Variants in PRKDC observed in about 807,000 individuals in gnomAD.
PRKDC encodes protein kinase, DNA-activated, catalytic subunit.
Under a neutral mutation model 486.9 loss-of-function variants are expected in PRKDC, and 82 were observed. The ratio of observed to expected loss-of-function variants is 0.17; its 90% CI spans 0.14 to 0.20. PRKDC has a LOEUF of 0.20. PRKDC is among the 10% of genes least tolerant of loss of function. PRKDC has a pLI of 1.00. For synonymous variants in PRKDC, 1,895 were observed against 1,837.0 expected, an observed-to-expected ratio of 1.03 and a Z score of -0.81; for missense variants, 4,504 against 5,038.2, an observed-to-expected ratio of 0.89 and a Z score of 3.21.
At chr8:47,843,688 CA>C (rs2154500004) in intron 54 of PRKDC, among the ~76,000 whole-genome samples, 1 of 152,288 alleles carries the variant, frequency 6.6e-6, no homozygotes, top group Non-Finnish European at 1.5e-5. Flanking sequence ...ATCAGGCTAC[CA>C]GCGGGCCTCT....
intron 68 of PRKDC, among the ~76,000 whole-genome samples, chr8:47,809,196 ATC>A (rs1237582099): frequency 6.6e-6 from 1 of 151,776 alleles, no homozygotes; most frequent in Admixed American, 6.6e-5. Flanking sequence ...CATGCTTCAC[ATC>A]TCTTTTTCCT....
At chr8:47,816,946 T>C (rs527465210) in intron 68 of PRKDC, among the ~76,000 whole-genome samples, 98 of 152,280 alleles carry the variant, frequency 6.4e-4, no homozygotes, top group Middle Eastern at 6.8e-3. Flanking sequence ...TATTACATGG[T>C]TAGTACCTGC....
chr8:47,953,993 A>T (rs2090664864), intron 5 of PRKDC, 74 bp from the exon 6 acceptor site: 4 of 789,978 alleles, frequency 5.1e-6, no homozygotes, highest in Non-Finnish European at 7.8e-6. Context: ...AAATGTATGA[A>T]GAAAATAAAA....
intron 22 of PRKDC, 87 bp from the exon 23 acceptor site, chr8:47,915,505 C>T: frequency 2.6e-6 from 2 of 763,038 alleles, no homozygotes; most frequent in Non-Finnish European, 4.1e-6. Flanking sequence ...TTGCCACCCA[C>T]TTGGATGTCC....
At chr8:47,915,208 T>G (rs1476665525) in intron 23 of PRKDC, 120 bp downstream of exon 23, 1 of 578,236 alleles carries the variant, frequency 1.7e-6, no homozygotes, top group Non-Finnish European at 2.9e-6. Flanking sequence ...TTTATAATCT[T>G]ATTTAGAAAT....
At chr8:47,842,427 AGAGAGATCCTATACAG>A (rs1170216262) in intron 54 of PRKDC, among the ~76,000 whole-genome samples, 5 of 152,282 alleles carry the variant, frequency 3.3e-5, no homozygotes, top group African/African-American at 7.2e-5. Context: ...GCAGGAACCT[AGAGAGATCCTATACAG>A]GAGAGATCCT....
chr8:47,794,596 T>A (rs1053941838), intron 73 of PRKDC, 95 bp from the exon 74 acceptor site: 1 of 1,122,520 alleles, frequency 8.9e-7, no homozygotes, highest in Non-Finnish European at 1.2e-6. Flanking sequence ...AACTCAGAAG[T>A]ATAAAAACGC....
chr8:47,815,558 C>T (rs2087425724), intron 68 of PRKDC, among the ~76,000 whole-genome samples: 1 of 152,088 alleles, frequency 6.6e-6, no homozygotes, highest in Non-Finnish European at 1.5e-5. Flanking sequence ...GATAATTGAA[C>T]ACAAAATAAA....
At position 47,874,282 on chromosome 8, in the gene PRKDC, A is replaced by G. The variant is rs117902660; in HGVS notation, c.5363+3442T>C. On this transcript the variant is annotated intron_variant, in intron 40 of 85. Transcript: ENST00000314191. ...ACATTTTTAAATAATTAAGAGTATA[A>G]CTGGATTATTTCTCATGCAAAGAAG... Among the ~76,000 whole-genome samples the G allele has an allele frequency of 7.2e-5, 11 of 152,206 alleles. No individual in the cohort carries two copies. The East Asian group carries it at 2.1e-3, about 29-fold the overall frequency.
chr8:47,914,011 G>C lies in PRKDC; in HGVS notation c.2671C>G (p.Arg891Gly). The C allele has an allele frequency of 3.1e-6, 5 of 1,599,128 alleles. No individual in the cohort carries two copies. Among genetic ancestry groups the C allele is most frequent in the Admixed American group, 1.7e-5 (1 of 58,272 alleles). The change falls in exon 24 of 86, where the codon CGG (arginine) becomes GGG (glycine). Residue 891 changes from arginine (R) to glycine (G), a missense_variant. Coordinates refer to ENST00000314191, the MANE Select transcript of PRKDC (RefSeq NM_006904.7). ...KSYVAWDREK[R>G]LSFAVPFREM... Reference sequence around the variant, plus strand: ...CTAAAGGGCACTGCAAAGCTCAGCCGCTTCTCTCTGTCCCAGGCCACATAG... The same window carrying C: ...CTAAAGGGCACTGCAAAGCTCAGCCCCTTCTCTCTGTCCCAGGCCACATAG...
At chr8:47,934,555 A>G (rs1020665805) in intron 14 of PRKDC, among the ~76,000 whole-genome samples, 11 of 152,146 alleles carry the variant, frequency 7.2e-5, no homozygotes, top group Admixed American at 2.0e-4. Context: ...TAAATAAATA[A>G]ATAGATAACG....
In PRKDC at chr8:47,794,404, T is replaced by C. The variant is rs2086941399; in HGVS notation, c.10556A>G (p.Glu3519Gly). The change falls in exon 74 of 86, where the codon GAA becomes GGA. Residue 3519 changes from glutamate to glycine, a missense_variant. By Grantham distance (98) the Glu-to-Gly change is moderately conservative. Around this residue, in one of 6 missense-constraint regions of PRKDC, gnomAD observed 706 missense variants for 945.0 expected, o/e 0.75. Transcript: ENST00000314191. ...CTGCGGGTAGTTATCAGTGATTTCT[T>C]CCACAGAGTGCTGAACAGCAACGGC... ...DQAVAVQHSV[E>G]EITDNYPQAI... 15 of 1,613,818 alleles carry C rather than the reference T, an allele frequency of 9.3e-6. No individual in the cohort carries two copies. The highest frequency in any genetic ancestry group is 1.3e-5 in the Non-Finnish European group (15 of 1,179,706).
rs1399417769 is a variant in PRKDC at position 47,862,418 on chromosome 8, C to T, written c.5874G>A (p.Glu1958=). 3.1e-6 allele frequency: 5 copies of T among 1,613,970 alleles called. No individual in the cohort carries two copies. Among genetic ancestry groups the T allele is most frequent in the Admixed American group, 3.3e-5 (2 of 60,032 alleles). Residue 1958 remains glutamate, a synonymous_variant, in exon 43 of 86, where the codon GAG becomes GAA. Coordinates refer to ENST00000314191, the MANE Select transcript of PRKDC (RefSeq NM_006904.7). ...AISVICCVFN[E]LKFYQGFLFS... ...ACAGAAAACCTTGGTAAAATTTTAA[C>T]TCATTGAAGACACAGCAGATGACAG...
At chr8:47,863,266 G>T in intron 42 of PRKDC, 133 bp downstream of exon 42, 1 of 693,774 alleles carries the variant, frequency 1.4e-6, no homozygotes, top group Non-Finnish European at 2.2e-6. Context: ...TCACCTAAGT[G>T]GTTTATAAGA....
At chr8:47,876,997 ATCAACTATTAG>A (rs1324106198) in intron 40 of PRKDC, among the ~76,000 whole-genome samples, 2 of 152,256 alleles carry the variant, frequency 1.3e-5, no homozygotes, top group Non-Finnish European at 2.9e-5. Flanking sequence ...AGTATAAAGT[ATCAACTATTAG>A]TCTTGCCAAA....
At chr8:47,812,831 C>T (rs1490501153) in intron 68 of PRKDC, among the ~76,000 whole-genome samples, 1 of 151,870 alleles carries the variant, frequency 6.6e-6, no homozygotes, top group Admixed American at 6.6e-5. Flanking sequence ...CTGACACAAA[C>T]CTTTACCCAG....
Position 47,957,156 on chromosome 8 carries a change from T to C in PRKDC, c.324+15A>G. On this transcript the variant is annotated intron_variant, in intron 3 of 85. Transcript: ENST00000314191. ...TTGATATATAATGTAATAAGGTATG[T>C]TTTTTAATTCTTACCTTAATTTCAA... 2.7e-6 allele frequency: 4 copies of C among 1,506,516 alleles called. No individual in the cohort carries two copies. The highest frequency in any genetic ancestry group is 3.7e-6 in the Non-Finnish European group (4 of 1,091,592). 93.3% of individuals were successfully genotyped at this position (1,506,516 alleles called of 1,614,324 possible). A position where few individuals can be genotyped will look rare whatever the true frequency, so the allele number is the denominator to read the frequency against.
chr8:47,866,156 C>CAAAAAAAAA (rs766279016), intron 40 of PRKDC, among the ~76,000 whole-genome samples: 1 of 52,310 alleles, frequency 1.9e-5, no homozygotes, highest in Non-Finnish European at 4.3e-5. Context: ...AACTCCGTCG[C>CAAAAAAAAA]AAAAAAAAAA....
chr8:47,791,131 C>G (rs1328519073), intron 74 of PRKDC, among the ~76,000 whole-genome samples: 2 of 152,158 alleles, frequency 1.3e-5, no homozygotes, highest in East Asian at 1.9e-4. Flanking sequence ...GAAGGGACAA[C>G]CCACAGAATG....
Sources: gnomAD v4.1 joint callset for allele counts (sites outside exome capture counted in the v4.1 genomes callset) on GRCh38, gnomAD v4.1.1 for gene constraint, gnomAD v4.1.1 regional missense constraint, MANE v1.5 for transcripts, NCBI Gene and HGNC (gene_info 2026-07-23, HGNC 2026-07-21) for gene names.